PTPRD: variants seen among roughly 807,000 people sequenced by gnomAD.
PTPRD encodes protein tyrosine phosphatase receptor type D.
In PTPRD, 34 loss-of-function variants were observed where a neutral mutation model predicts 214.5. The ratio of observed to expected loss-of-function variants is 0.16; its 90% CI spans 0.12 to 0.21. The LOEUF is 0.21. Ranked by LOEUF, PTPRD falls within the 10% of genes least tolerant of loss-of-function variation. The pLI, the probability that PTPRD is intolerant of heterozygous loss-of-function variation, is 1.00. For missense variants in PTPRD, 2,545 were observed against 2,398.7 expected, an observed-to-expected ratio of 1.06 and a Z score of -1.27; for synonymous variants, 1,128 against 845.7, an observed-to-expected ratio of 1.33 and a Z score of -5.79.
chr9:9,280,586 C>A (rs1420787000), intron 9 of PTPRD, among the ~76,000 whole-genome samples: 1 of 150,930 alleles, frequency 6.6e-6, no homozygotes, highest in Middle Eastern at 3.2e-3. Flanking sequence ...TGTATAAGAT[C>A]CATATCAGGA....
At chr9:10,506,518 G>A (rs833421) in intron 2 of PTPRD, among the ~76,000 whole-genome samples, 32,291 of 151,968 alleles carry the variant, frequency 0.21, 4,120 homozygotes, top group Admixed American at 0.35. Flanking sequence ...AATGCTTGAG[G>A]TGATTGGTAC....
At chr9:10,249,146 G>C (rs1472893417) in intron 3 of PTPRD, among the ~76,000 whole-genome samples, 1 of 152,094 alleles carries the variant, frequency 6.6e-6, no homozygotes, top group African/African-American at 2.4e-5. Flanking sequence ...AAGTGATTTT[G>C]AGACATCTAT....
At chr9:10,417,210 G>A (rs569575501) in intron 2 of PTPRD, among the ~76,000 whole-genome samples, 1 of 151,906 alleles carries the variant, frequency 6.6e-6, no homozygotes, top group African/African-American at 2.4e-5. Flanking sequence ...GTTCAACCTA[G>A]TCAATCAAGT....
intron 5 of PTPRD, among the ~76,000 whole-genome samples, chr9:9,778,317 T>C (rs965094032): frequency 1.3e-5 from 2 of 152,136 alleles, no homozygotes; most frequent in South Asian, 4.1e-4. Flanking sequence ...TCTAGGATCC[T>C]AGCTACAGGG....
intron 30 of PTPRD, 79 bp downstream of exon 30, chr9:8,484,040 G>A (rs1389119195): frequency 4.6e-6 from 7 of 1,508,752 alleles, no homozygotes; most frequent in Admixed American, 4.0e-5. Flanking sequence ...CTTCTTTTAC[G>A]ACCTCTATAA....
intron 7 of PTPRD, among the ~76,000 whole-genome samples, chr9:9,720,132 G>T (rs2097910639): frequency 6.6e-6 from 1 of 152,164 alleles, no homozygotes; most frequent in African/African-American, 2.4e-5. Flanking sequence ...GACCCCAGAT[G>T]TTTCCAGCTG....
chr9:10,535,606 T>TA (rs775405172), intron 2 of PTPRD, among the ~76,000 whole-genome samples: 1 of 152,024 alleles, frequency 6.6e-6, no homozygotes, highest in Non-Finnish European at 1.5e-5. Flanking sequence ...TAGCCTTTTT[T>TA]AAAAAAAGTC....
At position 8,931,961 on chromosome 9, in the gene PTPRD, T is replaced by C. The variant is rs892981275; in HGVS notation, c.-104+86736A>G. Among the ~76,000 whole-genome samples the C allele has an allele frequency of 3.3e-5, 5 of 152,356 alleles. No individual in the cohort carries two copies. The East Asian group carries it at 7.7e-4, about 23-fold the overall frequency. Reference sequence around the variant, plus strand: ...TCATTTATTTGCATAGAGGTATTTATAGTATTCTCTGATGGTAGTTTGTAT... The same window carrying C: ...TCATTTATTTGCATAGAGGTATTTACAGTATTCTCTGATGGTAGTTTGTAT... On this transcript the variant is annotated intron_variant, in intron 11 of 45. Coordinates refer to ENST00000381196, the MANE Select transcript of PTPRD (RefSeq NM_002839.4).
chr9:8,775,704 C>T (rs140584520), intron 11 of PTPRD, among the ~76,000 whole-genome samples: 138 of 152,260 alleles, frequency 9.1e-4, no homozygotes, highest in African/African-American at 3.1e-3. Flanking sequence ...AATAACCTGG[C>T]TGGGCATGGT....
At chr9:8,495,989 G>A (rs946520371) in intron 26 of PTPRD, among the ~76,000 whole-genome samples, 2 of 152,068 alleles carry the variant, frequency 1.3e-5, no homozygotes, top group Admixed American at 1.3e-4. Flanking sequence ...GGTTTTCCCA[G>A]TATTATATTA....
intron 11 of PTPRD, among the ~76,000 whole-genome samples, chr9:8,780,315 G>A (rs1024139665): frequency 1.3e-5 from 2 of 151,954 alleles, no homozygotes; most frequent in Non-Finnish European, 2.9e-5. Flanking sequence ...CCTTTTCCCC[G>A]AGAGTAGGTG....
chr9:9,200,971 G>A (rs969132142), intron 9 of PTPRD, among the ~76,000 whole-genome samples: 1 of 152,116 alleles, frequency 6.6e-6, no homozygotes, highest in Admixed American at 6.5e-5. Flanking sequence ...AGTGTATGCT[G>A]CAAATATCTT....
At chr9:9,724,770 T>C (rs888997408) in intron 7 of PTPRD, among the ~76,000 whole-genome samples, 2 of 152,112 alleles carry the variant, frequency 1.3e-5, no homozygotes, top group Non-Finnish European at 2.9e-5. Context: ...GGTATCCCCA[T>C]TTACAGTGGA....
intron 4 of PTPRD, among the ~76,000 whole-genome samples, chr9:10,010,256 T>C (rs2096568604): frequency 6.6e-6 from 1 of 151,928 alleles, no homozygotes; most frequent in Admixed American, 6.6e-5. Flanking sequence ...AGACTGAGTA[T>C]AGATTTTAAA....
At chr9:8,590,161 T>C (rs1191325356) in intron 14 of PTPRD, among the ~76,000 whole-genome samples, 1 of 152,130 alleles carries the variant, frequency 6.6e-6, no homozygotes. Flanking sequence ...TTATTAAAGC[T>C]GATAATAGAA....
chr9:10,358,297 C>T (rs1440786008), intron 2 of PTPRD, among the ~76,000 whole-genome samples: 3 of 151,968 alleles, frequency 2.0e-5, no homozygotes, highest in Non-Finnish European at 4.4e-5. Context: ...CATCTTTAAT[C>T]ATGCTAATTA....
chr9:8,945,780 C>T (rs917761212), intron 11 of PTPRD, among the ~76,000 whole-genome samples: 2 of 152,130 alleles, frequency 1.3e-5, no homozygotes, highest in Non-Finnish European at 2.9e-5. Flanking sequence ...ACAGTCCCAT[C>T]TAGCTAAGAT....
chr9:10,610,209 G>T (rs2080590826), intron 2 of PTPRD, among the ~76,000 whole-genome samples: 1 of 152,104 alleles, frequency 6.6e-6, no homozygotes, highest in Non-Finnish European at 1.5e-5. Context: ...ATTTTTATCT[G>T]TTATTATATA....
intron 7 of PTPRD, among the ~76,000 whole-genome samples, chr9:9,616,602 G>A (rs1185580800): frequency 1.3e-5 from 2 of 152,096 alleles, no homozygotes; most frequent in Non-Finnish European, 2.9e-5. Flanking sequence ...CGTGAGGGCT[G>A]CTAAGAGTTT....
Sources: allele counts gnomAD v4.1 joint callset (sites outside exome capture counted in the v4.1 genomes callset), GRCh38; gene constraint gnomAD v4.1.1; transcripts MANE v1.5; gene names NCBI Gene and HGNC (gene_info 2026-07-23, HGNC 2026-07-21).